The following FRMPD4 variants were observed in gnomAD, a reference collection of about 807,000 sequenced individuals.
The protein encoded by FRMPD4 is FERM and PDZ domain containing 4.
A neutral mutation model predicts 94.1 loss-of-function variants in FRMPD4; 22 were observed. That is an observed-to-expected ratio of 0.23 (90% CI 0.17 to 0.33). The LOEUF (loss-of-function observed/expected upper bound fraction) is 0.33, where lower values mean the gene tolerates loss of function less well. FRMPD4 is among the 10% of genes least tolerant of loss of function. The pLI is 1.00. For synonymous variants in FRMPD4, 631 were observed against 548.6 expected, an observed-to-expected ratio of 1.15 and a Z score of -2.10; for missense variants, 1,111 against 1,339.9, an observed-to-expected ratio of 0.83 and a Z score of 2.67.
chrX:12,211,291 C>T (rs1036650434), intron 1 of FRMPD4, among the ~76,000 whole-genome samples: 1 of 112,240 alleles, frequency 8.9e-6, no homozygotes, highest in African/African-American at 3.2e-5. Flanking sequence ...GCATCTTCTT[C>T]AGACTTGGAT....
intron 7 of FRMPD4, among the ~76,000 whole-genome samples, chrX:12,688,550 A>C (rs1409196227): frequency 9.0e-6 from 1 of 111,638 alleles, no homozygotes. Flanking sequence ...TTATGAAAGG[A>C]ATATGACACT....
chrX:11,852,804 T>C (rs2053632577), intron 1 of FRMPD4, among the ~76,000 whole-genome samples: 2 of 111,469 alleles, frequency 1.8e-5, no homozygotes, highest in African/African-American at 6.5e-5. Flanking sequence ...TACACAATAA[T>C]AGAGGGGGAC....
intron 1 of FRMPD4, among the ~76,000 whole-genome samples, chrX:12,276,055 G>A (rs1253077205): frequency 9.0e-6 from 1 of 111,717 alleles, no homozygotes; most frequent in Non-Finnish European, 1.9e-5. Flanking sequence ...ATAAGGAGGT[G>A]GAAAGGGGCA....
chrX:12,175,370 G>T (rs1373057472), intron 1 of FRMPD4, among the ~76,000 whole-genome samples: 1 of 111,692 alleles, frequency 9.0e-6, no homozygotes, highest in Non-Finnish European at 1.9e-5. Flanking sequence ...GTTCTAAGTG[G>T]TCCATTTGTT....
Position 12,198,222 on chromosome X carries a change from G to A in FRMPD4, c.41+59210G>A, listed in dbSNP as rs757369588. 2.6e-4 allele frequency among the ~76,000 whole-genome samples: 29 copies of A among 111,695 alleles called. No individual in the cohort carries two copies. The Middle Eastern group carries it at 0.014, about 53-fold the overall frequency. On this transcript the variant is annotated intron_variant, in intron 1 of 16. Transcript: ENST00000675598. ...AAATCGTTCTCAGCCAGTAAAGTTC[G>A]GGTTTCCATCTTGATTCACTGTTTT...
chrX:12,612,499 C>A (rs1446083430), intron 3 of FRMPD4, among the ~76,000 whole-genome samples: 1 of 112,296 alleles, frequency 8.9e-6, no homozygotes, highest in Non-Finnish European at 1.9e-5. Context: ...CTGTAGTAGG[C>A]AATCCAGACT....
intron 3 of FRMPD4, among the ~76,000 whole-genome samples, chrX:12,043,634 T>C (rs2054769709): frequency 9.0e-6 from 1 of 111,710 alleles, no homozygotes; most frequent in Admixed American, 9.5e-5. Flanking sequence ...CTCTAATCTA[T>C]AGCACAATTA....
chrX:12,710,704 G>A (rs1179692825), intron 14 of FRMPD4, among the ~76,000 whole-genome samples, 167 bp downstream of exon 14: 1 of 111,283 alleles, frequency 9.0e-6, no homozygotes, highest in South Asian at 3.8e-4. Flanking sequence ...TCAGGCTTTC[G>A]AGACCAGCCT....
chrX:12,343,299 A>T (rs377260244), intron 1 of FRMPD4, among the ~76,000 whole-genome samples: 3 of 111,807 alleles, frequency 2.7e-5, no homozygotes, highest in East Asian at 2.8e-4. Context: ...CTGTGCTTTG[A>T]TTTTCTAATT....
At chrX:11,874,072 A>G (rs1025647285) in intron 2 of FRMPD4, among the ~76,000 whole-genome samples, 17 of 112,015 alleles carry the variant, frequency 1.5e-4, no homozygotes, top group African/African-American at 5.5e-4. Context: ...ACAAAACAGG[A>G]TGGTTGTGTC....
At chrX:12,574,567 G>C (rs780313567) in intron 2 of FRMPD4, among the ~76,000 whole-genome samples, 1 of 110,301 alleles carries the variant, frequency 9.1e-6, no homozygotes, top group Admixed American at 9.6e-5. Context: ...GCGTGATCTC[G>C]GCGCACTGCA....
chrX:11,903,168 C>T (rs780354691), intron 3 of FRMPD4, among the ~76,000 whole-genome samples: 1 of 112,064 alleles, frequency 8.9e-6, no homozygotes, highest in Non-Finnish European at 1.9e-5. Context: ...TTTTCCAAAT[C>T]TTTCCAGTAA....
At chrX:12,369,773 T>G (rs1326562912) in intron 1 of FRMPD4, among the ~76,000 whole-genome samples, 1 of 111,960 alleles carries the variant, frequency 8.9e-6, no homozygotes, top group African/African-American at 3.3e-5. Flanking sequence ...ACATATGATG[T>G]GAGTGTGACT....
intron 1 of FRMPD4, among the ~76,000 whole-genome samples, chrX:12,350,463 G>A (rs2055784960): frequency 8.9e-6 from 1 of 111,926 alleles, no homozygotes; most frequent in Admixed American, 9.5e-5. Flanking sequence ...ATTGTTCATA[G>A]GGGTCTAACA....
intron 4 of FRMPD4, among the ~76,000 whole-genome samples, chrX:12,648,735 A>G (rs774582638): frequency 8.9e-6 from 1 of 112,378 alleles, no homozygotes; most frequent in South Asian, 3.7e-4. Flanking sequence ...AATAGAGAAA[A>G]GCAAAACCTT....
At chrX:12,210,531 G>A (rs2056743185) in intron 1 of FRMPD4, among the ~76,000 whole-genome samples, 1 of 111,742 alleles carries the variant, frequency 8.9e-6, no homozygotes, top group Non-Finnish European at 1.9e-5. Context: ...AGGGTGAGAT[G>A]TGGACTTAGA....
chrX:11,840,537 T>G (rs1440834746), intron 1 of FRMPD4, among the ~76,000 whole-genome samples: 1 of 109,152 alleles, frequency 9.2e-6, no homozygotes, highest in Admixed American at 9.8e-5. Context: ...TCTCTGTATG[T>G]GAATATGTGT....
chrX:12,541,585 G>A (rs12391234), intron 2 of FRMPD4, among the ~76,000 whole-genome samples: 2,144 of 111,418 alleles, frequency 0.019, 48 homozygotes, highest in African/African-American at 0.065. Flanking sequence ...CTCTGAAATC[G>A]AGGCAATAAT....
chrX:11,822,815 C>A (rs6640783), intron 1 of FRMPD4, among the ~76,000 whole-genome samples: 14,681 of 111,632 alleles, frequency 0.13, 1,187 homozygotes, highest in African/African-American at 0.29. Flanking sequence ...ACTGTCAGTG[C>A]CCTTTAGGAA....
Sources: gnomAD v4.1 joint callset for allele counts (sites outside exome capture counted in the v4.1 genomes callset) on GRCh38, gnomAD v4.1.1 for gene constraint, MANE v1.5 for transcripts, NCBI Gene and HGNC (gene_info 2026-07-23, HGNC 2026-07-21) for gene names.